Variants in KDM2A observed in about 807,000 individuals in gnomAD.
The protein encoded by KDM2A is lysine-specific demethylase 2A.
In KDM2A, 3 loss-of-function variants were observed where a neutral mutation model predicts 137.3. The observed-to-expected ratio is 0.02, with a 90% CI of 0.01 to 0.06. The LOEUF (loss-of-function observed/expected upper bound fraction) is 0.06. KDM2A is among the 10% of genes least tolerant of loss of function. KDM2A has a pLI of 1.00. For synonymous variants in KDM2A, 512 were observed against 541.5 expected, an observed-to-expected ratio of 0.95 and a Z score of 0.76; for missense variants, 738 against 1,510.6, an observed-to-expected ratio of 0.49 and a Z score of 8.48.
chr11:67,248,176 T>C lies in KDM2A; in HGVS notation c.1966-105T>C, dbSNP rs568940643. On this transcript the variant is annotated intron_variant, in intron 15 of 20. Transcript: ENST00000529006. The stretch of plus-strand genomic sequence containing the variant: ...ATTGCTCACAGTTTTTCTCCCTTTA[T>C]GGACCAATGTTGTTGAGAAATGAGT... 7 of 827,310 alleles carry C rather than the reference T, an allele frequency of 8.5e-6. No homozygotes were observed. In the African/African-American group the frequency reaches 8.5e-5, roughly 10 times the overall value. The allele number at this position is 827,310 out of a possible 1,614,324, so 51.2% of individuals were successfully genotyped here.
chr11:67,206,489 C>G (rs1857809361), intron 5 of KDM2A, among the ~76,000 whole-genome samples: 1 of 152,162 alleles, frequency 6.6e-6, no homozygotes, highest in Non-Finnish European at 1.5e-5. Context: ...GTAATCCTAG[C>G]ACTTTAGGAG....
At chr11:67,172,883 A>C (rs943108345) in intron 2 of KDM2A, among the ~76,000 whole-genome samples, 1 of 152,022 alleles carries the variant, frequency 6.6e-6, no homozygotes, top group Non-Finnish European at 1.5e-5. Flanking sequence ...ACCATTAAGT[A>C]TGTTTTTCTC....
intron 17 of KDM2A, among the ~76,000 whole-genome samples, chr11:67,251,730 GTCA>G (rs921060638): frequency 6.6e-5 from 10 of 152,174 alleles, no homozygotes; most frequent in African/African-American, 2.2e-4. Context: ...CTGCTGTATT[GTCA>G]GCAGCTTGCT....
In KDM2A at chr11:67,180,098, G is replaced by A. The variant is rs748842059; in HGVS notation, c.62G>A (p.Arg21His). ...SQRLRGTMRR[R>H]YEDDGISDDE... ...TCCTAGCGTGGTACCATGCGACGAC[G>A]CTATGAAGATGATGGCATTTCAGAT... The change falls in exon 3 of 21, where the codon CGC (arginine) becomes CAC (histidine). Residue 21 changes from arginine (R) to histidine (H), a missense_variant. Physicochemically the swap from Arg to His is conservative, Grantham distance 29. This residue lies in a region of KDM2A where 74 missense variants were observed against 181.8 expected (regional missense o/e 0.41). Transcript: ENST00000529006. 1.2e-6 allele frequency: 2 copies of A among 1,613,620 alleles called. No homozygotes were observed. The highest frequency in any genetic ancestry group is 1.7e-6 in the Non-Finnish European group (2 of 1,179,762).
chr11:67,251,183 G>A (rs1457407186), intron 17 of KDM2A, among the ~76,000 whole-genome samples: 1 of 152,102 alleles, frequency 6.6e-6, no homozygotes, highest in African/African-American at 2.4e-5. Context: ...TCACTCTTCT[G>A]GTGCTGATAA....
rs183943355 is a variant in KDM2A at position 67,208,381 on chromosome 11, A to G, written c.486+693A>G. ...AGCCACCGTGCCTGGGCGTGAAATCACTTAATTTTATATAGGGCAGGATTA... is the reference window on the plus strand; with the variant it reads ...AGCCACCGTGCCTGGGCGTGAAATCGCTTAATTTTATATAGGGCAGGATTA... On this transcript the variant is annotated intron_variant, in intron 6 of 20. Transcript: ENST00000529006. Among the ~76,000 whole-genome samples, 812 of 151,968 alleles carry G rather than the reference A, an allele frequency of 5.3e-3. 12 individuals are homozygous for G. Among genetic ancestry groups the G allele is most frequent in the African/African-American group, 0.018 (759 of 41,450 alleles).
intron 2 of KDM2A, among the ~76,000 whole-genome samples, chr11:67,157,774 G>A (rs1036066212): frequency 1.3e-5 from 2 of 150,464 alleles, no homozygotes; most frequent in Non-Finnish European, 1.5e-5. Context: ...ACTTGCATTA[G>A]TGTTGTACAT....
At chr11:67,136,106 T>G (rs1855964974) in intron 2 of KDM2A, among the ~76,000 whole-genome samples, 2 of 152,176 alleles carry the variant, frequency 1.3e-5, no homozygotes, top group Admixed American at 1.3e-4. Flanking sequence ...AAGTAGGAGA[T>G]AAAAACCCAA....
chr11:67,191,014 A>G (rs891123725), intron 5 of KDM2A, among the ~76,000 whole-genome samples: 1 of 152,124 alleles, frequency 6.6e-6, no homozygotes, highest in African/African-American at 2.4e-5. Context: ...ATTCTTCTCA[A>G]ACTTTTCCAA....
At chr11:67,236,823 A>G (rs567093857) in intron 12 of KDM2A, among the ~76,000 whole-genome samples, 1 of 152,354 alleles carries the variant, frequency 6.6e-6, no homozygotes, top group East Asian at 1.9e-4. Context: ...ACCGCTCTGA[A>G]TAATGCCTGC....
At chr11:67,211,089 A>G (rs1271596971) in intron 6 of KDM2A, among the ~76,000 whole-genome samples, 1 of 152,014 alleles carries the variant, frequency 6.6e-6, no homozygotes, top group African/African-American at 2.4e-5. Flanking sequence ...CATAGCTACA[A>G]TCATGTTATT....
intron 5 of KDM2A, among the ~76,000 whole-genome samples, chr11:67,201,218 ATGTG>A (rs61320277): frequency 0.087 from 12,690 of 145,478 alleles, 1,857 homozygotes; most frequent in African/African-American, 0.3. Context: ...ATATATATAT[ATGTG>A]TGTGTGTGTG....
intron 5 of KDM2A, among the ~76,000 whole-genome samples, chr11:67,190,084 A>C (rs970013674): frequency 3.3e-5 from 5 of 152,216 alleles, no homozygotes; most frequent in African/African-American, 1.2e-4. Context: ...CAGATGGACT[A>C]AGGAAAGAAA....
intron 2 of KDM2A, among the ~76,000 whole-genome samples, chr11:67,173,800 G>A (rs1347185006): frequency 6.6e-6 from 1 of 152,102 alleles, no homozygotes; most frequent in African/African-American, 2.4e-5. Flanking sequence ...GCAGCCTCAA[G>A]CTCCTGAGCT....
At chr11:67,240,013 C>A in intron 12 of KDM2A, 1 of 1,281,224 alleles carries the variant, frequency 7.8e-7, no homozygotes, top group Non-Finnish European at 9.9e-7. Flanking sequence ...CTGGCTCGCT[C>A]ACTCTCGCTC....
In KDM2A at chr11:67,231,914, T is replaced by C; in HGVS notation, c.1433T>C (p.Val478Ala). Reference sequence around the variant, plus strand: ...TCTCTGCCACTGCACAAGAAATGTGTCCCCACAGGGATAGAAGATGAAGAT... The same window carrying C: ...TCTCTGCCACTGCACAAGAAATGTGCCCCCACAGGGATAGAAGATGAAGAT... ...LESLPLHKKC[V>A]PTGIEDEDAL... The change falls in exon 12 of 21, where the codon GTC (valine) becomes GCC (alanine). Residue 478 changes from valine (V) to alanine (A), a missense_variant. By Grantham distance (64) the Val-to-Ala change is moderately conservative (BLOSUM62 0). Transcript: ENST00000529006. The C allele has an allele frequency of 6.2e-7, 1 of 1,613,914 alleles. No individual in the cohort carries two copies.
rs772315176 is a variant in KDM2A at position 67,255,936 on chromosome 11, C to T, written c.*881C>T. The stretch of plus-strand genomic sequence containing the variant: ...CTGAAGAAGGCTTTCCCAGGATGCA[C>T]GTCCTCAGAGGGAGCAGCCTATCTC... On this transcript the variant is annotated 3_prime_UTR_variant, in exon 21 of 21. Transcript: ENST00000529006. 3.0e-5 allele frequency: 7 copies of T among 237,048 alleles called. No homozygotes were observed. Among genetic ancestry groups the T allele is most frequent in the Non-Finnish European group, 6.0e-5 (7 of 117,298 alleles). The allele number at this position is 237,048 out of a possible 1,614,324, so 14.7% of individuals were successfully genotyped here.
At chr11:67,205,605 T>A (rs997311554) in intron 5 of KDM2A, among the ~76,000 whole-genome samples, 3 of 152,080 alleles carry the variant, frequency 2.0e-5, no homozygotes, top group Non-Finnish European at 4.4e-5. Context: ...TTTTTTGTAT[T>A]TGTATTTGTA....
intron 3 of KDM2A, chr11:67,180,418 G>A (rs561824658): frequency 3.9e-4 from 173 of 442,618 alleles, no homozygotes; most frequent in African/African-American, 3.3e-3. Flanking sequence ...TATATTAGAA[G>A]TAATCTTTTT....
Sources: gnomAD v4.1 joint callset for allele counts (sites outside exome capture counted in the v4.1 genomes callset) on GRCh38, gnomAD v4.1.1 for gene constraint, gnomAD v4.1.1 regional missense constraint, MANE v1.5 for transcripts, NCBI Gene and HGNC (gene_info 2026-07-23, HGNC 2026-07-21) for gene names.